Variants in CHRM5 observed in about 807,000 individuals in gnomAD.
The protein encoded by CHRM5 is cholinergic receptor muscarinic 5.
In CHRM5, 18 loss-of-function variants were observed where a neutral mutation model predicts 39.0. That is an observed-to-expected ratio of 0.46 (90% CI 0.32 to 0.68). CHRM5 has a LOEUF of 0.68. Ranked by LOEUF, CHRM5 falls within the 30% of genes least tolerant of loss-of-function variation. CHRM5 has a pLI of 0.04. For synonymous variants in CHRM5, 241 were observed against 246.3 expected (o/e 0.98, Z 0.20); for missense variants, 515 against 651.1 (o/e 0.79, Z 2.28).
intron 1 of CHRM5, among the ~76,000 whole-genome samples, chr15:34,017,497 T>TTTTTTTAGACAGG (rs1555516619): frequency 7.5e-6 from 1 of 133,364 alleles, no homozygotes; most frequent in Non-Finnish European, 1.7e-5. Flanking sequence ...TTTTTTTTTT[T>TTTTTTTAGACAGG]TTTGAGACAG....
intron 1 of CHRM5, among the ~76,000 whole-genome samples, chr15:34,011,044 G>A (rs576060292): frequency 7.1e-4 from 108 of 152,166 alleles, no homozygotes; most frequent in African/African-American, 2.5e-3. Context: ...AAGTGTGCTA[G>A]GGCCGGGCAT....
rs571944012 is a variant in CHRM5 at position 34,005,377 on chromosome 15, A to G, written c.-408+36227A>G. 2.6e-5 allele frequency among the ~76,000 whole-genome samples: 4 copies of G among 152,212 alleles called. No individual in the cohort carries two copies. The South Asian group carries it at 8.3e-4, about 32-fold the overall frequency. On this transcript the variant is annotated intron_variant, in intron 1 of 2. Transcript: ENST00000383263. ...CACAGTCCCTATTTTTACGACCCTG[A>G]CTTATTGACAAGGCCAGGCTAGGTC...
At chr15:33,994,097 T>A (rs1172029686) in intron 1 of CHRM5, among the ~76,000 whole-genome samples, 2 of 152,248 alleles carry the variant, frequency 1.3e-5, no homozygotes, top group African/African-American at 4.8e-5. Flanking sequence ...AGTACCGGTC[T>A]GTGGCTTGTT....
chr15:33,994,201 G>A (rs1896844422), intron 1 of CHRM5, among the ~76,000 whole-genome samples: 1 of 152,190 alleles, frequency 6.6e-6, no homozygotes, highest in Non-Finnish European at 1.5e-5. Flanking sequence ...ATTAGTGCCT[G>A]AGCGCCACCT....
chr15:34,023,029 A>G (rs977640615), intron 1 of CHRM5, among the ~76,000 whole-genome samples: 3 of 152,262 alleles, frequency 2.0e-5, no homozygotes, highest in African/African-American at 4.8e-5. Context: ...TCTACTAAAA[A>G]CACAAAAATT....
At chr15:34,047,072 G>GTT (rs1899722523) in intron 2 of CHRM5, among the ~76,000 whole-genome samples, 3 of 47,746 alleles carry the variant, frequency 6.3e-5, no homozygotes, top group African/African-American at 1.2e-4. Flanking sequence ...TTTTTTTGTT[G>GTT]GTTTTTTTTT....
intron 1 of CHRM5, among the ~76,000 whole-genome samples, chr15:33,978,938 G>GT (rs34414090): frequency 0.8 from 121,191 of 151,996 alleles, 54,061 homozygotes; most frequent in Non-Finnish European, 0.98. Context: ...CCAGGCAAAA[G>GT]TAAGGAGTAG....
chr15:34,049,086 A>T (rs948316823), intron 2 of CHRM5, among the ~76,000 whole-genome samples: 1 of 152,246 alleles, frequency 6.6e-6, no homozygotes, highest in Admixed American at 6.5e-5. Context: ...AGATAAGCCC[A>T]CAAAGATGAG....
At chr15:34,062,385 C>T (rs972807132) in intron 2 of CHRM5, among the ~76,000 whole-genome samples, 1 of 151,958 alleles carries the variant, frequency 6.6e-6, no homozygotes, top group African/African-American at 2.4e-5. Context: ...GAAACCCCGT[C>T]TCTACTAAAA....
chr15:34,024,996 C>A (rs1246303423), intron 1 of CHRM5, among the ~76,000 whole-genome samples: 1 of 151,890 alleles, frequency 6.6e-6, no homozygotes, highest in Admixed American at 6.6e-5. Flanking sequence ...CAGTAGAGAA[C>A]CCCGTCTCTA....
chr15:34,032,025 A>ACG (rs948872651), intron 1 of CHRM5, among the ~76,000 whole-genome samples: 18 of 150,924 alleles, frequency 1.2e-4, no homozygotes, highest in Middle Eastern at 3.5e-3. Flanking sequence ...GCGCACACGC[A>ACG]CACACACACA....
At position 34,066,591 on chromosome 15, in the gene CHRM5, C is replaced by T; in HGVS notation, c.*2275C>T. 6.6e-6 allele frequency: 1 copy of T among 152,202 alleles called. No homozygotes were observed. Among genetic ancestry groups the T allele is most frequent in the South Asian group, 2.1e-4 (1 of 4,820 alleles). 9.4% of individuals were successfully genotyped at this position (152,202 alleles called of 1,614,324 possible). A position where few individuals can be genotyped will look rare whatever the true frequency, so the allele number is the denominator to read the frequency against. On this transcript the variant is annotated 3_prime_UTR_variant, in exon 3 of 3. Transcript: ENST00000383263. ...AGGCTGAGGCAAGAGGACTGCTTGACCCTAGGGGCTCAAGACCAGCCTGGC... is the reference window on the plus strand; with the variant it reads ...AGGCTGAGGCAAGAGGACTGCTTGATCCTAGGGGCTCAAGACCAGCCTGGC...
intron 1 of CHRM5, 63 bp from the exon 2 acceptor site, chr15:34,046,477 A>G (rs1438916359): frequency 6.6e-6 from 1 of 152,208 alleles, no homozygotes; most frequent in African/African-American, 2.4e-5. Context: ...ATGTTACTGC[A>G]CATTGCAGTT....
chr15:34,059,928 G>A (rs756918641), intron 2 of CHRM5, among the ~76,000 whole-genome samples: 2 of 152,094 alleles, frequency 1.3e-5, no homozygotes, highest in Admixed American at 6.6e-5. Context: ...CCATGGTATC[G>A]CCAGCATTAG....
chr15:34,010,322 AAAAT>A (rs1350993532), intron 1 of CHRM5, among the ~76,000 whole-genome samples: 3 of 152,282 alleles, frequency 2.0e-5, no homozygotes, highest in South Asian at 2.1e-4. Context: ...TTTTCTTTCC[AAAAT>A]AAATAAATAA....
At chr15:34,006,583 G>A (rs1458024802) in intron 1 of CHRM5, among the ~76,000 whole-genome samples, 1 of 152,214 alleles carries the variant, frequency 6.6e-6, no homozygotes, top group Non-Finnish European at 1.5e-5. Context: ...GATTAATGCA[G>A]TGAAACAAGC....
chr15:34,057,434 G>C (rs1017682885), intron 2 of CHRM5, among the ~76,000 whole-genome samples: 1 of 151,996 alleles, frequency 6.6e-6, no homozygotes, highest in Non-Finnish European at 1.5e-5. Flanking sequence ...GAGCCACTGT[G>C]CCCAGCCAGA....
chr15:33,985,453 TC>T (rs1422748767), intron 1 of CHRM5, among the ~76,000 whole-genome samples: 2 of 92,830 alleles, frequency 2.2e-5, no homozygotes, highest in Non-Finnish European at 4.5e-5. Context: ...AAGAGTAAGT[TC>T]CTTGAGTAAG....
At chr15:33,995,124 G>A (rs1468764748) in intron 1 of CHRM5, among the ~76,000 whole-genome samples, 1 of 152,050 alleles carries the variant, frequency 6.6e-6, no homozygotes, top group Non-Finnish European at 1.5e-5. Context: ...TCAGCCAGGT[G>A]TGGGTGGCAC....
Sources: gnomAD v4.1 joint callset for allele counts (sites outside exome capture counted in the v4.1 genomes callset) on GRCh38, gnomAD v4.1.1 for gene constraint, MANE v1.5 for transcripts, NCBI Gene and HGNC (gene_info 2026-07-23, HGNC 2026-07-21) for gene names.